The following SPATA16 variants were observed in gnomAD, a reference collection of about 807,000 sequenced individuals.
The protein encoded by SPATA16 is spermatogenesis associated 16, also known as spermatogenesis-associated protein 16.
SPATA16 carries 36 observed loss-of-function variants against 63.3 expected under a neutral mutation model. The observed-to-expected ratio is 0.57, with a 90% confidence interval of 0.44 to 0.75. SPATA16 has a LOEUF of 0.75. Ranked by LOEUF, SPATA16 falls within the 30% of genes least tolerant of loss-of-function variation. The pLI is 0.00. For synonymous variants in SPATA16, 203 were observed against 216.7 expected, an observed-to-expected ratio of 0.94 and a Z score of 0.56; for missense variants, 646 against 679.3, an observed-to-expected ratio of 0.95 and a Z score of 0.54.
At chr3:173,085,449 C>T (rs1412492955) in intron 2 of SPATA16, among the ~76,000 whole-genome samples, 1 of 152,052 alleles carries the variant, frequency 6.6e-6, no homozygotes, top group African/African-American at 2.4e-5. Context: ...AAAATCATGT[C>T]ATCTGTAAAC....
rs142850199 is a variant in SPATA16 at position 172,935,210 on chromosome 3, G to C, written c.1082-9718C>G. ...CTTGACATGGTGGTACGTGTCAATA[G>C]TCCTACCTACTTAGAAGGTTGAGGT... On this transcript the variant is annotated intron_variant, in intron 6 of 10. Coordinates refer to ENST00000351008, the MANE Select transcript of SPATA16 (RefSeq NM_031955.6). Among the ~76,000 whole-genome samples the C allele has an allele frequency of 7.3e-3, 1,118 of 152,254 alleles. 8 individuals are homozygous for C. The highest frequency in any genetic ancestry group is 0.02 in the Middle Eastern group (6 of 294).
intron 1 of SPATA16, among the ~76,000 whole-genome samples, chr3:173,136,606 C>T (rs920859915): frequency 6.6e-6 from 1 of 152,172 alleles, no homozygotes; most frequent in Non-Finnish European, 1.5e-5. Flanking sequence ...TTCATTCATT[C>T]TAACTAGTTT....
intron 10 of SPATA16, among the ~76,000 whole-genome samples, chr3:172,907,506 C>T (rs921405625): frequency 1.3e-5 from 2 of 152,056 alleles, no homozygotes; most frequent in African/African-American, 4.8e-5. Context: ...CTCATTCATT[C>T]AGCTTGTTAC....
At chr3:172,904,298 T>C (rs1050626700) in intron 10 of SPATA16, among the ~76,000 whole-genome samples, 1 of 152,232 alleles carries the variant, frequency 6.6e-6, no homozygotes, top group Non-Finnish European at 1.5e-5. Flanking sequence ...TTGTGATAGT[T>C]ATTCAAAAGC....
intron 1 of SPATA16, among the ~76,000 whole-genome samples, chr3:173,126,832 C>T (rs73031002): frequency 0.012 from 1,781 of 152,236 alleles, 36 homozygotes; most frequent in African/African-American, 0.041. Context: ...CCACTGCATC[C>T]CACCACAATA....
chr3:173,041,029 A>G (rs1735827724), intron 3 of SPATA16, among the ~76,000 whole-genome samples: 1 of 152,206 alleles, frequency 6.6e-6, no homozygotes, highest in African/African-American at 2.4e-5. Context: ...TAGGGTTTCA[A>G]GAATGAGTTG....
chr3:173,099,215 T>C (rs1336026999), intron 2 of SPATA16, among the ~76,000 whole-genome samples: 2 of 151,608 alleles, frequency 1.3e-5, no homozygotes, highest in African/African-American at 4.9e-5. Flanking sequence ...TACAGTACCA[T>C]AGGATATTTT....
intron 4 of SPATA16, among the ~76,000 whole-genome samples, chr3:172,995,820 T>C (rs1734680469): frequency 6.6e-6 from 1 of 152,138 alleles, no homozygotes; most frequent in African/African-American, 2.4e-5. Context: ...CATTAACGTA[T>C]ACTCTTTCAC....
chr3:173,117,841 A>G, intron 1 of SPATA16, 92 bp from the exon 2 acceptor site: 3 of 1,577,194 alleles, frequency 1.9e-6, no homozygotes, highest in Non-Finnish European at 2.6e-6. Flanking sequence ...ACACTATTTC[A>G]TTCATTATTA....
At chr3:172,988,773 A>G (rs1460884776) in intron 4 of SPATA16, among the ~76,000 whole-genome samples, 1 of 152,128 alleles carries the variant, frequency 6.6e-6, no homozygotes, top group Non-Finnish European at 1.5e-5. Flanking sequence ...AGTAGCTGAG[A>G]TTACAAGTGC....
At chr3:173,008,953 A>G (rs1001585) in intron 4 of SPATA16, among the ~76,000 whole-genome samples, 30,922 of 152,170 alleles carry the variant, frequency 0.2, 3,638 homozygotes, top group East Asian at 0.33. Flanking sequence ...GATATATTCA[A>G]TAAGACTATC....
intron 10 of SPATA16, among the ~76,000 whole-genome samples, chr3:172,906,430 G>A (rs1436311677): frequency 6.6e-6 from 1 of 152,224 alleles, no homozygotes; most frequent in African/African-American, 2.4e-5. Context: ...AGGTAGACTA[G>A]CATAAATTCC....
intron 10 of SPATA16, among the ~76,000 whole-genome samples, chr3:172,910,731 G>C (rs1732354808): frequency 6.6e-6 from 1 of 152,138 alleles, no homozygotes; most frequent in Non-Finnish European, 1.5e-5. Context: ...CTCCGCCTAA[G>C]TTTGAAATGT....
chr3:173,124,958 C>T (rs991413478), intron 1 of SPATA16, among the ~76,000 whole-genome samples: 6 of 152,120 alleles, frequency 3.9e-5, no homozygotes, highest in African/African-American at 1.4e-4. Flanking sequence ...CAACTCTAGT[C>T]CTTATATCCT....
intron 4 of SPATA16, among the ~76,000 whole-genome samples, chr3:172,997,780 A>T (rs1157359544): frequency 6.6e-6 from 1 of 151,548 alleles, no homozygotes; most frequent in African/African-American, 2.4e-5. Flanking sequence ...TTCGTAAAGG[A>T]TGTAGATCTG....
At chr3:172,929,412 A>G (rs145994750) in intron 6 of SPATA16, among the ~76,000 whole-genome samples, 1 of 152,322 alleles carries the variant, frequency 6.6e-6, no homozygotes, top group East Asian at 1.9e-4. Flanking sequence ...AGAGGTAAAC[A>G]GTTTTCCCTT....
intron 1 of SPATA16, among the ~76,000 whole-genome samples, chr3:173,134,333 A>G (rs568767124): frequency 1.3e-5 from 2 of 152,052 alleles, no homozygotes; most frequent in East Asian, 1.9e-4. Flanking sequence ...TCATGAATAG[A>G]TTAATGCTGA....
intron 2 of SPATA16, among the ~76,000 whole-genome samples, chr3:173,104,497 GT>G (rs1472962291): frequency 6.6e-6 from 1 of 152,164 alleles, no homozygotes; most frequent in African/African-American, 2.4e-5. Flanking sequence ...GAGGTCTCAG[GT>G]TGCTTTTAAT....
chr3:173,004,780 A>G (rs940324458), intron 4 of SPATA16, among the ~76,000 whole-genome samples: 2 of 152,212 alleles, frequency 1.3e-5, no homozygotes, highest in African/African-American at 4.8e-5. Context: ...TAAGTGCTCT[A>G]TATAAATTGT....
Sources: allele counts gnomAD v4.1 joint callset (sites outside exome capture counted in the v4.1 genomes callset), GRCh38; gene constraint gnomAD v4.1.1; transcripts MANE v1.5; gene names NCBI Gene and HGNC (gene_info 2026-07-23, HGNC 2026-07-21).